Variants in MEI4 observed in about 807,000 individuals in gnomAD.
MEI4 encodes meiotic double-stranded break formation protein 4, also known as meiosis-specific protein MEI4.
Under a neutral mutation model 31.4 loss-of-function variants are expected in MEI4, and 27 were observed. That is an observed-to-expected ratio of 0.86 (90% CI 0.63 to 1.19). The LOEUF (loss-of-function observed/expected upper bound fraction) is 1.19, where lower values mean the gene tolerates loss of function less well. MEI4 is among the 50% of genes most tolerant of loss of function. The probability of loss-of-function intolerance (pLI) is 0.00; values close to 1 mark genes in which losing one functional copy is unlikely to be tolerated. For missense variants in MEI4, 329 were observed against 398.9 expected, an observed-to-expected ratio of 0.82 and a Z score of 1.49; for synonymous variants, 122 against 145.4, an observed-to-expected ratio of 0.84 and a Z score of 1.16.
intron 2 of MEI4, among the ~76,000 whole-genome samples, chr6:77,750,183 C>G (rs1419429118): frequency 6.6e-6 from 1 of 152,128 alleles, no homozygotes; most frequent in Non-Finnish European, 1.5e-5. Context: ...ATTGTAAAGA[C>G]TATCAATGCT....
At chr6:77,838,675 G>A (rs1770282511) in intron 4 of MEI4, among the ~76,000 whole-genome samples, 1 of 152,140 alleles carries the variant, frequency 6.6e-6, no homozygotes, top group Non-Finnish European at 1.5e-5. Context: ...GGCGAGGCGA[G>A]TGGATCACCT....
chr6:77,695,839 G>A lies in MEI4; in HGVS notation c.232+4936G>A, dbSNP rs944255907. Among the ~76,000 whole-genome samples, 11 of 152,082 alleles carry A rather than the reference G, an allele frequency of 7.2e-5. No homozygotes were observed. The East Asian group carries it at 7.7e-4, about 11-fold the overall frequency. The stretch of plus-strand genomic sequence containing the variant: ...GCTTGATGGGGATGGCATTGAATCT[G>A]TAAATTACCTTGGGCAGTATGGCCA... On this transcript the variant is annotated intron_variant, in intron 2 of 4. Coordinates refer to ENST00000684080, the MANE Select transcript of MEI4 (RefSeq NM_001322247.2).
At chr6:77,674,150 T>G (rs1768798254) in intron 1 of MEI4, among the ~76,000 whole-genome samples, 1 of 152,178 alleles carries the variant, frequency 6.6e-6, no homozygotes, top group South Asian at 2.1e-4. Context: ...AGTAAATACT[T>G]CCTTCAGCAG....
At chr6:77,698,308 G>T (rs540577328) in intron 2 of MEI4, among the ~76,000 whole-genome samples, 5 of 152,128 alleles carry the variant, frequency 3.3e-5, no homozygotes, top group Non-Finnish European at 7.4e-5. Flanking sequence ...GATCCTGTCA[G>T]TATGATGTTC....
Position 77,820,510 on chromosome 6 carries a change from C to T in MEI4, c.769-8421C>T, listed in dbSNP as rs1036030148. 2.0e-5 allele frequency among the ~76,000 whole-genome samples: 3 copies of T among 152,190 alleles called. No homozygotes were observed. Among genetic ancestry groups the T allele is most frequent in the Non-Finnish European group, 4.4e-5 (3 of 68,040 alleles). On this transcript the variant is annotated intron_variant, in intron 3 of 4. Coordinates refer to ENST00000684080, the MANE Select transcript of MEI4 (RefSeq NM_001322247.2). This position sits in a 1 kb window ranked among gnomAD's most constrained non-coding sequence, Gnocchi z 4.5. Reference sequence around the variant, plus strand: ...GGAACCCCTGACCTCAGGCAATTCGCCTGCCTAGGCCTCCCAAATTGCTGG... The same window carrying T: ...GGAACCCCTGACCTCAGGCAATTCGTCTGCCTAGGCCTCCCAAATTGCTGG...
intron 1 of MEI4, among the ~76,000 whole-genome samples, chr6:77,682,632 T>C (rs1211701078): frequency 6.6e-6 from 1 of 152,166 alleles, no homozygotes; most frequent in African/African-American, 2.4e-5. Flanking sequence ...GGGTTAAGAG[T>C]TGGCCAAGTA....
intron 2 of MEI4, among the ~76,000 whole-genome samples, chr6:77,704,674 C>T (rs1249131083): frequency 6.6e-6 from 1 of 152,100 alleles, no homozygotes; most frequent in African/African-American, 2.4e-5. Context: ...CTCATGAATA[C>T]TGGAGTTTGA....
chr6:77,789,914 C>T (rs953040684), intron 3 of MEI4, among the ~76,000 whole-genome samples: 16 of 152,044 alleles, frequency 1.1e-4, no homozygotes, highest in African/African-American at 3.6e-4. Flanking sequence ...GATATATACC[C>T]AAAGGACTAT....
intron 4 of MEI4, among the ~76,000 whole-genome samples, chr6:77,862,461 G>A (rs910177139): frequency 2.0e-5 from 3 of 152,192 alleles, no homozygotes; most frequent in South Asian, 2.1e-4. Context: ...CTATGCCCAT[G>A]GAGCCTTGCT....
chr6:77,839,268 G>A (rs1770299609), intron 4 of MEI4, among the ~76,000 whole-genome samples: 1 of 152,044 alleles, frequency 6.6e-6, no homozygotes, highest in South Asian at 2.1e-4. Flanking sequence ...TAGGATGAAT[G>A]GTGAAAACTC....
intron 1 of MEI4, among the ~76,000 whole-genome samples, chr6:77,666,345 C>T (rs947810158): frequency 6.6e-6 from 1 of 152,132 alleles, no homozygotes; most frequent in Non-Finnish European, 1.5e-5. Flanking sequence ...GCTGTTTTTA[C>T]TTCTTTTGTG....
chr6:77,807,381 C>A (rs1397739605), intron 3 of MEI4, among the ~76,000 whole-genome samples: 1 of 152,018 alleles, frequency 6.6e-6, no homozygotes, highest in African/African-American at 2.4e-5. Flanking sequence ...GTTTGTTTTA[C>A]CAGTGGCCCT....
rs545597850 is a variant in MEI4 at position 77,788,405 on chromosome 6, C to T, written c.768+26740C>T. On this transcript the variant is annotated intron_variant, in intron 3 of 4. Transcript: ENST00000684080. ...ATAGTGTTGGAAGTTCTGGCCAGGA[C>T]AATCAGGCAGGAGAAGGAAATAAAG... 7.9e-5 allele frequency among the ~76,000 whole-genome samples: 12 copies of T among 152,130 alleles called. No homozygotes were observed. The South Asian group carries it at 2.5e-3, about 32-fold the overall frequency.
chr6:77,926,069 C>A lies in MEI4; in HGVS notation c.*2723C>A, dbSNP rs947997570. The A allele has an allele frequency of 6.6e-6, 1 of 151,798 alleles. No homozygotes were observed. The highest frequency in any genetic ancestry group is 1.5e-5 in the Non-Finnish European group (1 of 67,898). The allele number at this position is 151,798 out of a possible 1,614,324, so 9.4% of individuals were successfully genotyped here. A position where few individuals can be genotyped will look rare whatever the true frequency, so the allele number is the denominator to read the frequency against. On this transcript the variant is annotated 3_prime_UTR_variant, in exon 5 of 5. Coordinates refer to ENST00000684080, the MANE Select transcript of MEI4 (RefSeq NM_001322247.2). Reference sequence around the variant, plus strand: ...GTTTCATCCTGAGGCAGTCCATCTTCCAATTCCACACTCCTACTTTACTGC... The same window carrying A: ...GTTTCATCCTGAGGCAGTCCATCTTACAATTCCACACTCCTACTTTACTGC...
chr6:77,869,853 TTGG>T (rs1321843575), intron 4 of MEI4, among the ~76,000 whole-genome samples: 1 of 152,116 alleles, frequency 6.6e-6, no homozygotes, highest in East Asian at 1.9e-4. Context: ...GGATAAATAT[TTGG>T]TGAATACGAG....
At chr6:77,668,878 G>GT (rs545648435) in intron 1 of MEI4, among the ~76,000 whole-genome samples, 142 of 152,218 alleles carry the variant, frequency 9.3e-4, no homozygotes, top group Middle Eastern at 3.4e-3. Context: ...TATTTTCTGT[G>GT]TTTTTTCTAA....
At chr6:77,903,015 CACTTT>C (rs1766217461) in intron 4 of MEI4, among the ~76,000 whole-genome samples, 1 of 152,092 alleles carries the variant, frequency 6.6e-6, no homozygotes, top group African/African-American at 2.4e-5. Context: ...TCACACCTTC[CACTTT>C]ACTTATTTAT....
chr6:77,912,740 A>G (rs1486076277), intron 4 of MEI4, among the ~76,000 whole-genome samples: 1 of 152,106 alleles, frequency 6.6e-6, no homozygotes, highest in Non-Finnish European at 1.5e-5. Context: ...AAAAGATATC[A>G]TTTGCCTAAA....
intron 2 of MEI4, among the ~76,000 whole-genome samples, chr6:77,711,375 A>C (rs865840717): frequency 6.6e-6 from 1 of 152,194 alleles, no homozygotes; most frequent in Non-Finnish European, 1.5e-5. Context: ...TATATAACAC[A>C]ACATTACCTT....
Sources: gnomAD v4.1 joint callset for allele counts (sites outside exome capture counted in the v4.1 genomes callset) on GRCh38, gnomAD v4.1.1 for gene constraint, Gnocchi (gnomAD v3.1) non-coding constraint, MANE v1.5 for transcripts, NCBI Gene and HGNC (gene_info 2026-07-23, HGNC 2026-07-21) for gene names.